Variants in PDHX observed in about 807,000 individuals in gnomAD.
PDHX encodes pyruvate dehydrogenase protein X component, mitochondrial.
PDHX carries 33 observed loss-of-function variants against 55.3 expected under a neutral mutation model. The observed-to-expected ratio is 0.60, with a 90% CI of 0.45 to 0.80. The LOEUF (loss-of-function observed/expected upper bound fraction) is 0.80. Ranked by LOEUF, PDHX falls within the 30% of genes least tolerant of loss-of-function variation. The pLI is 0.00. For missense variants in PDHX, 622 were observed against 619.9 expected (o/e 1.00, Z -0.04); for synonymous variants, 226 against 219.4 (o/e 1.03, Z -0.27).
chr11:34,966,767 C>A lies in PDHX; in HGVS notation c.769C>A (p.Arg257=), dbSNP rs768910663. The change falls in exon 6 of 11, where the codon CGG becomes AGG. Residue 257 remains arginine, a synonymous_variant. Coordinates refer to ENST00000227868, the MANE Select transcript of PDHX (RefSeq NM_003477.3). ...GGCCACAGCTGGACCATCTTATCCC[C>A]GGCCTGTGATCCCACCAGTATCAAC... is the stretch of plus-strand genomic sequence containing the variant. ...LQATAGPSYP[R]PVIPPVSTPG... 2 of 1,614,018 alleles carry A rather than the reference C, an allele frequency of 1.2e-6. No individual in the cohort carries two copies. The highest frequency in any genetic ancestry group is 2.7e-5 in the African/African-American group (2 of 74,928).
At chr11:34,927,935 T>A (rs1279023585) in intron 1 of PDHX, among the ~76,000 whole-genome samples, 1 of 152,142 alleles carries the variant, frequency 6.6e-6, no homozygotes, top group South Asian at 2.1e-4. Context: ...TTTCAATTCA[T>A]TTCATGAAGG....
At chr11:34,950,510 T>G (rs1418532043) in intron 3 of PDHX, among the ~76,000 whole-genome samples, 1 of 150,524 alleles carries the variant, frequency 6.6e-6, no homozygotes, top group South Asian at 2.1e-4. Context: ...TATCTCCTAA[T>G]GCTATCCCTC....
chr11:34,978,564 A>G (rs1458959178), intron 8 of PDHX, among the ~76,000 whole-genome samples: 1 of 152,102 alleles, frequency 6.6e-6, no homozygotes. Flanking sequence ...GTGATTTTTC[A>G]AAAGGGAAGC....
intron 2 of PDHX, among the ~76,000 whole-genome samples, chr11:34,946,006 C>G (rs960301064): frequency 6.6e-5 from 10 of 152,318 alleles, no homozygotes; most frequent in African/African-American, 2.4e-4. Context: ...AGTGTCTTCC[C>G]TCAGAACTCC....
intron 5 of PDHX, among the ~76,000 whole-genome samples, chr11:34,963,499 C>T (rs1344000047): frequency 6.6e-6 from 1 of 152,124 alleles, no homozygotes; most frequent in Non-Finnish European, 1.5e-5. Context: ...AGGCTGGTCT[C>T]AAGCTCTTGG....
At position 34,984,580 on chromosome 11, in the gene PDHX, A is replaced by T. The variant is rs556425857; in HGVS notation, c.1034A>T (p.Asp345Val). The change falls in exon 9 of 11, where the codon GAT (aspartate) becomes GTT (valine). Residue 345 changes from aspartate to valine, a missense_variant. By Grantham distance (152) the Asp-to-Val change is radical. Coordinates refer to ENST00000227868, the MANE Select transcript of PDHX (RefSeq NM_003477.3). ...TTTTTCTATTTCTAGCAAATGCCAG[A>T]TGTTAATGTAAGCTGGGATGGAGAG... ...AAAVTLKQMP[D>V]VNVSWDGEGP... 13 of 1,613,990 alleles carry T rather than the reference A, an allele frequency of 8.1e-6. No homozygotes were observed. In the East Asian group the frequency reaches 2.0e-4, roughly 25 times the overall value.
intron 1 of PDHX, among the ~76,000 whole-genome samples, chr11:34,922,692 A>G (rs966332697): frequency 3.3e-5 from 5 of 152,200 alleles, no homozygotes; most frequent in African/African-American, 1.2e-4. Context: ...AAGGACACCA[A>G]AATTCTTGAC....
At chr11:34,916,420 CG>C (rs1464952859), upstream of PDHX, 1 of 1,443,008 alleles carries the variant, frequency 6.9e-7, no homozygotes, top group East Asian at 2.5e-5. Context: ...GCGAACGGGG[CG>C]GGGGCCGGGG....
rs139689281 is a variant in PDHX at position 34,933,061 on chromosome 11, A to C, written c.241+1577A>C. Among the ~76,000 whole-genome samples, 9 of 152,346 alleles carry C rather than the reference A, an allele frequency of 5.9e-5. No individual in the cohort carries two copies. The East Asian group carries it at 1.7e-3, about 29-fold the overall frequency. Reference sequence around the variant, plus strand: ...ATAAAATAAAACTTTAAAAACAACAATAGTTGGTTATCTACAGAGTAATGG... The same window carrying C: ...ATAAAATAAAACTTTAAAAACAACACTAGTTGGTTATCTACAGAGTAATGG... On this transcript the variant is annotated intron_variant, in intron 2 of 10. Transcript: ENST00000227868.
In PDHX at chr11:34,983,268, G is replaced by A. The variant is rs1341194030; in HGVS notation, c.1024-1302G>A. On this transcript the variant is annotated intron_variant, in intron 8 of 10. Transcript: ENST00000227868. ...TCAATAAATTAGGTATTGATGGGAC[G>A]TATCTCAAAATAATAAGACCTATTT... is the stretch of plus-strand genomic sequence containing the variant. 1.1e-4 allele frequency among the ~76,000 whole-genome samples: 16 copies of A among 152,154 alleles called. No homozygotes were observed. The East Asian group carries it at 2.9e-3, about 28-fold the overall frequency.
chr11:34,972,461 G>C (rs555612061), intron 7 of PDHX, among the ~76,000 whole-genome samples: 1 of 150,800 alleles, frequency 6.6e-6, no homozygotes, highest in Non-Finnish European at 1.5e-5. Flanking sequence ...GCAGTGGTGC[G>C]ATCTCGGTTC....
Position 34,957,573 on chromosome 11 carries a change from G to A in PDHX, c.532G>A (p.Gly178Arg), listed in dbSNP as rs765182974. 1.1e-4 allele frequency: 172 copies of A among 1,611,964 alleles called. 1 individual carries two copies. In the Admixed American group the frequency reaches 2.8e-3, roughly 26 times the overall value. The change falls in exon 4 of 11, where the codon GGG (glycine) becomes AGG (arginine). Residue 178 changes from glycine (G) to arginine (R), a missense_variant. Coordinates refer to ENST00000227868, the MANE Select transcript of PDHX (RefSeq NM_003477.3). ...CCCTGTCAAGAAGGAACACATACCC[G>A]GGACACTACGGTGAGTATATATTTA... ...SIPVKKEHIPGTLRFRLSPAA... is the reference protein window; with the variant it reads ...SIPVKKEHIPRTLRFRLSPAA...
At chr11:34,948,533 A>C (rs377683107) in intron 3 of PDHX, among the ~76,000 whole-genome samples, 1 of 150,794 alleles carries the variant, frequency 6.6e-6, no homozygotes, top group East Asian at 1.9e-4. Flanking sequence ...ATCTAGAGAC[A>C]ATTTTTTATT....
intron 2 of PDHX, among the ~76,000 whole-genome samples, chr11:34,932,458 A>G (rs1854200912): frequency 6.6e-6 from 1 of 152,186 alleles, no homozygotes; most frequent in Non-Finnish European, 1.5e-5. Context: ...ATAATTGCAA[A>G]TGACTCTTAC....
chr11:34,974,793 A>G (rs1855331314), intron 7 of PDHX, among the ~76,000 whole-genome samples: 1 of 152,198 alleles, frequency 6.6e-6, no homozygotes, highest in African/African-American at 2.4e-5. Context: ...CTGTAGTCCC[A>G]GCTACTTGGG....
intron 4 of PDHX, 70 bp downstream of exon 4, chr11:34,957,653 C>T: frequency 8.2e-7 from 1 of 1,218,234 alleles, no homozygotes; most frequent in African/African-American, 1.5e-5. Flanking sequence ...GAATTGTAAT[C>T]ATTATCATAT....
chr11:34,976,070 T>C (rs1855364305), intron 7 of PDHX, among the ~76,000 whole-genome samples: 1 of 152,200 alleles, frequency 6.6e-6, no homozygotes, highest in African/African-American at 2.4e-5. Flanking sequence ...TGGGAATCAC[T>C]TTCCTGTTTT....
intron 9 of PDHX, among the ~76,000 whole-genome samples, chr11:34,988,275 G>A (rs368212272): frequency 2.2e-3 from 332 of 152,206 alleles, no homozygotes; most frequent in African/African-American, 7.4e-3. Context: ...AGTTTTTGCT[G>A]TAAGCCTTTT....
chr11:34,959,691 A>G (rs1854980440), intron 4 of PDHX, among the ~76,000 whole-genome samples: 1 of 152,186 alleles, frequency 6.6e-6, no homozygotes, highest in Non-Finnish European at 1.5e-5. Context: ...GAAACAACTC[A>G]TAAGTCCAAA....
Sources: gnomAD v4.1 joint callset for allele counts (sites outside exome capture counted in the v4.1 genomes callset) on GRCh38, gnomAD v4.1.1 for gene constraint, MANE v1.5 for transcripts, NCBI Gene and HGNC (gene_info 2026-07-23, HGNC 2026-07-21) for gene names.